Variants in TRIM23 observed in about 807,000 individuals in gnomAD.
TRIM23 encodes E3 ubiquitin-protein ligase TRIM23.
TRIM23 carries 27 observed loss-of-function variants against 71.0 expected under a neutral mutation model. The observed-to-expected ratio is 0.38, with a 90% CI of 0.28 to 0.52. The LOEUF (loss-of-function observed/expected upper bound fraction) is 0.52. Ranked by LOEUF, TRIM23 falls within the 20% of genes least tolerant of loss-of-function variation. The pLI is 0.84. For synonymous variants in TRIM23, 234 were observed against 238.0 expected, an observed-to-expected ratio of 0.98 and a Z score of 0.16; for missense variants, 482 against 692.3, an observed-to-expected ratio of 0.70 and a Z score of 3.41.
chr5:65,604,379 G>A (rs1383389824), intron 7 of TRIM23, among the ~76,000 whole-genome samples: 2 of 152,090 alleles, frequency 1.3e-5, no homozygotes, highest in Non-Finnish European at 2.9e-5. Context: ...ACAGGTGTGA[G>A]CCACCGCACC....
Position 65,609,229 on chromosome 5 carries a change from T to A in TRIM23, c.1044+14A>T, listed in dbSNP as rs754702187. The A allele has an allele frequency of 1.4e-5, 22 of 1,613,806 alleles. No homozygotes were observed. The highest frequency in any genetic ancestry group is 5.0e-5 in the Admixed American group (3 of 59,970). On this transcript the variant is annotated intron_variant, in intron 6 of 10. Transcript: ENST00000231524. Reference sequence around the variant, plus strand: ...ACTTACAACTAAGTCCCTAACCACATTTAAACTACCTACCTGCTGCAAAGT... The same window carrying A: ...ACTTACAACTAAGTCCCTAACCACAATTAAACTACCTACCTGCTGCAAAGT...
rs776623951 is a variant in TRIM23, at chr5:65,611,702, C to T, written c.546G>A (p.Gln182=). 5.0e-6 allele frequency: 8 copies of T among 1,614,062 alleles called. No individual in the cohort carries two copies. The Admixed American group carries it at 1.0e-4, about 20-fold the overall frequency. The change falls in exon 4 of 11, where the codon CAG becomes CAA. Residue 182 remains glutamine (Q), a synonymous_variant. Coordinates refer to ENST00000231524, the MANE Select transcript of TRIM23 (RefSeq NM_001656.4). ...AGCAAACAAACTCAATGGCATGCAC[C>T]TGGTGCTGAGAGCACATAGTTTTCT... is the stretch of plus-strand genomic sequence containing the variant. The part of the protein sequence containing the change: ...PHEKTMCSQH[Q]VHAIEFVCLE...
chr5:65,606,914 G>A (rs1487425370), intron 6 of TRIM23: 2 of 152,332 alleles, frequency 1.3e-5, no homozygotes, highest in African/African-American at 4.8e-5. Context: ...CTTCTTGCTA[G>A]AATGCTAATT....
At chr5:65,596,199 C>T (rs1754201723) in intron 9 of TRIM23, among the ~76,000 whole-genome samples, 2 of 152,100 alleles carry the variant, frequency 1.3e-5, no homozygotes, top group African/African-American at 4.8e-5. Flanking sequence ...ATCTAAGCTA[C>T]GTATGGTTTT....
intron 6 of TRIM23, among the ~76,000 whole-genome samples, chr5:65,607,358 CAT>C (rs1754536622): frequency 6.6e-6 from 1 of 152,186 alleles, no homozygotes; most frequent in South Asian, 2.1e-4. Context: ...GTAATCCCCA[CAT>C]GTCAAGGGAG....
At chr5:65,620,028 T>C (rs1427841703) in intron 1 of TRIM23, among the ~76,000 whole-genome samples, 1 of 152,116 alleles carries the variant, frequency 6.6e-6, no homozygotes, top group Non-Finnish European at 1.5e-5. Flanking sequence ...GAGGTTGCAG[T>C]GAGCCAAGAT....
chr5:65,592,391 A>AT (rs897640549), intron 10 of TRIM23, among the ~76,000 whole-genome samples: 32 of 151,974 alleles, frequency 2.1e-4, no homozygotes, highest in Middle Eastern at 3.4e-3. Flanking sequence ...TGCCCGGCTA[A>AT]TTTTTTTGTA....
chr5:65,599,544 A>C (rs1754306345), intron 7 of TRIM23, among the ~76,000 whole-genome samples: 1 of 152,240 alleles, frequency 6.6e-6, no homozygotes, highest in Non-Finnish European at 1.5e-5. Context: ...ACACCTAACC[A>C]AGATGGTGAA....
chr5:65,605,230 T>C (rs1281391826), intron 6 of TRIM23, among the ~76,000 whole-genome samples, 185 bp from the exon 7 acceptor site: 2 of 152,220 alleles, frequency 1.3e-5, no homozygotes, highest in Non-Finnish European at 2.9e-5. Context: ...AAAGAATGGA[T>C]AAATTGTAGC....
At chr5:65,600,742 C>G (rs1754340908) in intron 7 of TRIM23, among the ~76,000 whole-genome samples, 3 of 151,536 alleles carry the variant, frequency 2.0e-5, no homozygotes, top group Non-Finnish European at 4.4e-5. Flanking sequence ...ATTTGAAAGT[C>G]ACAGATCTGA....
At chr5:65,624,143 T>A in intron 1 of TRIM23, 51 bp downstream of exon 1, 1 of 1,611,536 alleles carries the variant, frequency 6.2e-7, no homozygotes, top group Non-Finnish European at 8.5e-7. Flanking sequence ...GTCTCCAGGA[T>A]GAACCGAAGG....
At chr5:65,601,169 T>A (rs1754354856) in intron 7 of TRIM23, among the ~76,000 whole-genome samples, 1 of 152,116 alleles carries the variant, frequency 6.6e-6, no homozygotes, top group African/African-American at 2.4e-5. Flanking sequence ...GAAAGCAGGG[T>A]CTTGAAGAGA....
intron 4 of TRIM23, among the ~76,000 whole-genome samples, chr5:65,611,381 A>AT (rs1754645278): frequency 6.6e-6 from 1 of 151,756 alleles, no homozygotes; most frequent in South Asian, 2.1e-4. Flanking sequence ...CTCGAAAGCT[A>AT]TTTTTTTGTG....
At chr5:65,615,745 A>T (rs1754761401) in intron 2 of TRIM23, among the ~76,000 whole-genome samples, 1 of 152,242 alleles carries the variant, frequency 6.6e-6, no homozygotes, top group African/African-American at 2.4e-5. Context: ...GTCACTATAT[A>T]ATGAATATAT....
chr5:65,599,780 C>T (rs904915135), intron 7 of TRIM23, among the ~76,000 whole-genome samples: 1 of 152,034 alleles, frequency 6.6e-6, no homozygotes, highest in African/African-American at 2.4e-5. Flanking sequence ...CCTGAATAGC[C>T]AAAACAATTT....
chr5:65,620,984 C>T (rs1490462317), intron 1 of TRIM23, among the ~76,000 whole-genome samples: 1 of 151,746 alleles, frequency 6.6e-6, no homozygotes, highest in Non-Finnish European at 1.5e-5. Context: ...GAGCCATGAT[C>T]GTGCCATTGC....
In TRIM23 at chr5:65,624,308, A is replaced by C. The variant is rs772146932; in HGVS notation, c.-34T>G. 6.2e-7 allele frequency: 1 copy of C among 1,610,110 alleles called. No individual in the cohort carries two copies. The highest frequency in any genetic ancestry group is 1.3e-5 in the African/African-American group (1 of 74,302). ...GGGAAGCGCCACAGAAACAGCCTTC[A>C]GAGTCCTCAACTGAGAGGCGGGGTT... On this transcript the variant is annotated 5_prime_UTR_variant, in exon 1 of 11. Coordinates refer to ENST00000231524, the MANE Select transcript of TRIM23 (RefSeq NM_001656.4).
intron 6 of TRIM23, among the ~76,000 whole-genome samples, chr5:65,608,315 A>G (rs964594416): frequency 6.6e-6 from 1 of 152,148 alleles, no homozygotes; most frequent in Non-Finnish European, 1.5e-5. Context: ...TAGCCCTAGT[A>G]TCACAAAATA....
At chr5:65,621,126 G>A (rs963835581) in intron 1 of TRIM23, among the ~76,000 whole-genome samples, 20 of 152,226 alleles carry the variant, frequency 1.3e-4, no homozygotes, top group African/African-American at 4.8e-4. Flanking sequence ...GCCAAGGCGG[G>A]CAGATCACGA....
Sources: gnomAD v4.1 joint callset for allele counts (sites outside exome capture counted in the v4.1 genomes callset) on GRCh38, gnomAD v4.1.1 for gene constraint, MANE v1.5 for transcripts, NCBI Gene and HGNC (gene_info 2026-07-23, HGNC 2026-07-21) for gene names.